The following DCBLD1 variants were observed in gnomAD, a reference collection of about 807,000 sequenced individuals.
The protein encoded by DCBLD1 is discoidin, CUB and LCCL domain containing 1, also known as discoidin, CUB and LCCL domain-containing protein 1.
Under a neutral mutation model 71.5 loss-of-function variants are expected in DCBLD1, and 57 were observed. The ratio of observed to expected loss-of-function variants is 0.80; its 90% CI spans 0.64 to 0.99. DCBLD1 has a LOEUF of 0.99. Ranked by LOEUF, DCBLD1 falls within the 50% of genes least tolerant of loss-of-function variation. DCBLD1 has a pLI of 0.00. For synonymous variants in DCBLD1, 380 were observed against 363.8 expected (o/e 1.04, Z -0.51); for missense variants, 891 against 923.5 (o/e 0.96, Z 0.46).
chr6:117,508,993 A>C (rs1777925733), intron 2 of DCBLD1, among the ~76,000 whole-genome samples: 1 of 152,234 alleles, frequency 6.6e-6, no homozygotes, highest in South Asian at 2.1e-4. Context: ...GTTTAAGAGC[A>C]CAAACTCTGT....
chr6:117,516,174 A>T (rs1278620921), intron 2 of DCBLD1, among the ~76,000 whole-genome samples: 4 of 151,652 alleles, frequency 2.6e-5, no homozygotes, highest in Admixed American at 1.3e-4. Flanking sequence ...TAACACAGTG[A>T]AACCCCATCT....
Position 117,548,434 on chromosome 6 carries a change from T to C in DCBLD1, c.2143T>C (p.Leu715=), listed in dbSNP as rs2114578947. The change falls in exon 15 of 15, where the codon TTG becomes CTG. Residue 715 remains leucine (L), a synonymous_variant. Coordinates refer to ENST00000338728, the MANE Select transcript of DCBLD1 (RefSeq NM_001366458.2). Reference sequence around the variant, plus strand: ...CAACCAGACGGCCATGACTGCCCTTTTGTGAACACAATGTGAAAGAAGCCT... The same window carrying C: ...CAACCAGACGGCCATGACTGCCCTTCTGTGAACACAATGTGAAAGAAGCCT... ...PLNQTAMTAL[L] 3 of 1,550,620 alleles carry C rather than the reference T, an allele frequency of 1.9e-6. No individual in the cohort carries two copies. The highest frequency in any genetic ancestry group is 2.6e-6 in the Non-Finnish European group (3 of 1,147,000).
At chr6:117,546,480 G>C (rs567000882) in intron 14 of DCBLD1, among the ~76,000 whole-genome samples, 1 of 152,280 alleles carries the variant, frequency 6.6e-6, no homozygotes, top group East Asian at 1.9e-4. Context: ...GTCAGCCTAA[G>C]GGTTGGTTGA....
chr6:117,538,579 T>C, intron 7 of DCBLD1, 41 bp from the exon 8 acceptor site: 1 of 1,590,738 alleles, frequency 6.3e-7, no homozygotes, highest in Non-Finnish European at 8.6e-7. Context: ...GCTGTTATTT[T>C]ATGTCTGTAT....
intron 5 of DCBLD1, among the ~76,000 whole-genome samples, chr6:117,527,804 A>C (rs934505372): frequency 6.6e-6 from 1 of 151,734 alleles, no homozygotes; most frequent in South Asian, 2.1e-4. Context: ...TGAGGGGGGA[A>C]CTTTAAAGTC....
intron 2 of DCBLD1, among the ~76,000 whole-genome samples, chr6:117,506,260 G>A (rs530736008): frequency 1.3e-5 from 2 of 152,182 alleles, no homozygotes; most frequent in African/African-American, 4.8e-5. Flanking sequence ...GATCCCAAGA[G>A]TGTACAATTA....
intron 1 of DCBLD1, among the ~76,000 whole-genome samples, chr6:117,503,175 AT>A (rs1777720354): frequency 1.3e-5 from 1 of 77,898 alleles, no homozygotes; most frequent in Non-Finnish European, 2.4e-5. Flanking sequence ...GATCCTTGAC[AT>A]TTTCTGATTG....
At chr6:117,492,723 A>C (rs1225514288) in intron 1 of DCBLD1, among the ~76,000 whole-genome samples, 2 of 152,168 alleles carry the variant, frequency 1.3e-5, no homozygotes, top group East Asian at 3.8e-4. Context: ...CTATGATATG[A>C]GTTTTATGAG....
At chr6:117,533,961 C>T (rs554720348) in intron 6 of DCBLD1, among the ~76,000 whole-genome samples, 8 of 152,314 alleles carry the variant, frequency 5.3e-5, no homozygotes, top group East Asian at 3.9e-4. Context: ...TAGTACTGTA[C>T]GTAATCCACA....
chr6:117,485,221 A>G lies in DCBLD1; in HGVS notation c.112+2328A>G, dbSNP rs61051972. 8.1e-3 allele frequency among the ~76,000 whole-genome samples: 1,228 copies of G among 152,248 alleles called. 17 individuals are homozygous for G. The highest frequency in any genetic ancestry group is 0.028 in the African/African-American group (1,162 of 41,534). On this transcript the variant is annotated intron_variant, in intron 1 of 14. Coordinates refer to ENST00000338728, the MANE Select transcript of DCBLD1 (RefSeq NM_001366458.2). ...TTCATTTGTGTAATGAATTTGTGCA[A>G]CCTAAAACTCCCTGCTTCTCTCTCC...
At chr6:117,528,642 A>G (rs1778618040) in intron 5 of DCBLD1, among the ~76,000 whole-genome samples, 1 of 152,240 alleles carries the variant, frequency 6.6e-6, no homozygotes. Flanking sequence ...TATTGTAGAT[A>G]ATGCCATCCA....
intron 4 of DCBLD1, among the ~76,000 whole-genome samples, chr6:117,522,635 T>TTTTAGAA (rs1778423875): frequency 6.6e-6 from 1 of 152,054 alleles, no homozygotes; most frequent in Non-Finnish European, 1.5e-5. Context: ...GAAATGGGTG[T>TTTTAGAA]CTTTCTATAT....
Position 117,507,414 on chromosome 6 carries a change from A to G in DCBLD1, c.325+3435A>G, listed in dbSNP as rs1449871376. ...CTTCTGTTTGTCATATATTATAATT[A>G]CGGCTGATCTTTCAGATTCAAGAAT... On this transcript the variant is annotated intron_variant, in intron 2 of 14. Coordinates refer to ENST00000338728, the MANE Select transcript of DCBLD1 (RefSeq NM_001366458.2). 2.0e-5 allele frequency among the ~76,000 whole-genome samples: 3 copies of G among 152,308 alleles called. No homozygotes were observed. In the East Asian group the frequency reaches 5.8e-4, roughly 29 times the overall value.
chr6:117,535,172 G>A (rs559920139), intron 6 of DCBLD1, among the ~76,000 whole-genome samples: 35 of 152,326 alleles, frequency 2.3e-4, no homozygotes, highest in African/African-American at 8.4e-4. Flanking sequence ...TTGCAGCTGA[G>A]GAAGAAGGAG....
intron 4 of DCBLD1, among the ~76,000 whole-genome samples, chr6:117,522,398 C>T (rs966392246): frequency 6.6e-6 from 1 of 151,932 alleles, no homozygotes; most frequent in Admixed American, 6.6e-5. Flanking sequence ...AGCCACTAGT[C>T]TAGAGATCAT....
intron 1 of DCBLD1, among the ~76,000 whole-genome samples, chr6:117,489,061 G>C (rs991701691): frequency 1.3e-5 from 2 of 152,152 alleles, no homozygotes; most frequent in African/African-American, 4.8e-5. Flanking sequence ...AGTCTGTTCT[G>C]TGTTGCTGTA....
rs572481312 is a variant in DCBLD1, at chr6:117,518,193, C to T, written c.326-1623C>T. Reference sequence around the variant, plus strand: ...ATCATCTCTCTCAAGTTCAAAGTTCCACAAATCTCTAAGGCAAGGGCAAAA... The same window carrying T: ...ATCATCTCTCTCAAGTTCAAAGTTCTACAAATCTCTAAGGCAAGGGCAAAA... On this transcript the variant is annotated intron_variant, in intron 2 of 14. Transcript: ENST00000338728. 2.6e-5 allele frequency among the ~76,000 whole-genome samples: 4 copies of T among 152,282 alleles called. No homozygotes were observed. The South Asian group carries it at 8.3e-4, about 32-fold the overall frequency.
At chr6:117,483,585 G>T (rs776673990) in intron 1 of DCBLD1, among the ~76,000 whole-genome samples, 1 of 152,174 alleles carries the variant, frequency 6.6e-6, no homozygotes, top group African/African-American at 2.4e-5. Context: ...TTGACTTGGA[G>T]TTAGACCTAA....
chr6:117,499,192 A>G (rs191090518), intron 1 of DCBLD1, among the ~76,000 whole-genome samples: 224 of 146,316 alleles, frequency 1.5e-3, no homozygotes, highest in African/African-American at 5.5e-3. Flanking sequence ...GCTTGAGCCT[A>G]GGAGTTCCAG....
Sources: gnomAD v4.1 joint callset for allele counts (sites outside exome capture counted in the v4.1 genomes callset) on GRCh38, gnomAD v4.1.1 for gene constraint, MANE v1.5 for transcripts, NCBI Gene and HGNC (gene_info 2026-07-23, HGNC 2026-07-21) for gene names.